Variants in BTBD7 observed in about 807,000 individuals in gnomAD.
BTBD7 encodes BTB/POZ domain-containing protein 7.
A neutral mutation model predicts 99.9 loss-of-function variants in BTBD7; 38 were observed. The observed-to-expected ratio is 0.38, with a 90% CI of 0.29 to 0.50. The LOEUF is 0.50. Ranked by LOEUF, BTBD7 falls within the 20% of genes least tolerant of loss-of-function variation. The pLI is 0.93. For synonymous variants in BTBD7, 520 were observed against 511.4 expected, an observed-to-expected ratio of 1.02 and a Z score of -0.23; for missense variants, 1,170 against 1,394.6, an observed-to-expected ratio of 0.84 and a Z score of 2.57.
rs544493010 is a variant in BTBD7 at position 93,238,595 on chromosome 14, C to A, written c.*3678G>T. The stretch of plus-strand genomic sequence containing the variant: ...GAATTCAGTCCTAAAAATATGAATG[C>A]CTTATAATTAATTTCAAAATAAGTA... On this transcript the variant is annotated 3_prime_UTR_variant, in exon 11 of 11. Coordinates refer to ENST00000334746, the MANE Select transcript of BTBD7 (RefSeq NM_001002860.4). The A allele has an allele frequency of 6.6e-6, 1 of 152,252 alleles. No individual in the cohort carries two copies. Among genetic ancestry groups the A allele is most frequent in the South Asian group, 2.1e-4 (1 of 4,820 alleles). The allele number at this position is 152,252 out of a possible 1,614,324, so 9.4% of individuals were successfully genotyped here.
chr14:93,288,183 T>A (rs1243865768), intron 3 of BTBD7: 1 of 269,246 alleles, frequency 3.7e-6, no homozygotes, highest in Non-Finnish European at 6.8e-6. Context: ...ACTTTTTATA[T>A]AGAAATTCCT....
intron 4 of BTBD7, among the ~76,000 whole-genome samples, 188 bp from the exon 5 acceptor site, chr14:93,261,865 T>C (rs1272939904): frequency 6.6e-6 from 1 of 152,252 alleles, no homozygotes; most frequent in East Asian, 1.9e-4. Flanking sequence ...CTGCATTACA[T>C]ATATTTTATC....
chr14:93,262,117 C>T (rs1458195517), intron 4 of BTBD7, among the ~76,000 whole-genome samples: 3 of 151,130 alleles, frequency 2.0e-5, no homozygotes, highest in Non-Finnish European at 2.9e-5. Flanking sequence ...CAGGTATGTG[C>T]TACCACACCC....
chr14:93,320,251 T>C (rs921973010), intron 1 of BTBD7, among the ~76,000 whole-genome samples: 6 of 152,256 alleles, frequency 3.9e-5, no homozygotes, highest in South Asian at 4.1e-4. Context: ...ACTGGGGTGA[T>C]TGTTCTCCCC....
rs763604101 is a variant in BTBD7 at position 93,294,629 on chromosome 14, C to T, written c.391G>A (p.Asp131Asn). Residue 131 changes from aspartate (D) to asparagine (N), a missense_variant, in exon 3 of 11, where the codon GAT (aspartate) becomes AAT (asparagine). Coordinates refer to ENST00000334746, the MANE Select transcript of BTBD7 (RefSeq NM_001002860.4). ...TTGTACTCATAAAGATCAGCCATAT[C>T]TTTCTGCAATGTCCGGGCTTCTGGT... Reference protein sequence around the residue: ...ARPEARTLQKDMADLYEYKYC... With the variant: ...ARPEARTLQKNMADLYEYKYC... 4 of 1,614,122 alleles carry T rather than the reference C, an allele frequency of 2.5e-6. No individual in the cohort carries two copies. In the East Asian group the frequency reaches 6.7e-5, roughly 27 times the overall value.
At chr14:93,270,069 G>A (rs1255048783) in intron 3 of BTBD7, among the ~76,000 whole-genome samples, 1 of 152,178 alleles carries the variant, frequency 6.6e-6, no homozygotes, top group Non-Finnish European at 1.5e-5. Context: ...TAATAAACCA[G>A]TTAGCTTTTT....
At chr14:93,281,181 T>G (rs972853991) in intron 3 of BTBD7, among the ~76,000 whole-genome samples, 4 of 151,888 alleles carry the variant, frequency 2.6e-5, no homozygotes, top group Non-Finnish European at 4.4e-5. Flanking sequence ...TTTTTTTTTT[T>G]TGTAGAGATG....
At position 93,294,871 on chromosome 14, in the gene BTBD7, T is replaced by C. The variant is rs772829858; in HGVS notation, c.149A>G (p.His50Arg). The change falls in exon 3 of 11, where the codon CAT (histidine) becomes CGT (arginine). Residue 50 changes from histidine (H) to arginine (R), a missense_variant. Transcript: ENST00000334746. ...CTTTTTTTTGTCTTGTGGTTTCTCATGGCCATGGTCAAGGCTATACAACTT... is the reference window on the plus strand; with the variant it reads ...CTTTTTTTTGTCTTGTGGTTTCTCACGGCCATGGTCAAGGCTATACAACTT... ...ESKLYSLDHG[H>R]EKPQDKKKRT... 9 of 1,613,708 alleles carry C rather than the reference T, an allele frequency of 5.6e-6. No homozygotes were observed. The highest frequency in any genetic ancestry group is 2.2e-5 in the East Asian group (1 of 44,890).
At chr14:93,258,200 C>CGT (rs144474216) in intron 5 of BTBD7, among the ~76,000 whole-genome samples, 15,496 of 146,866 alleles carry the variant, frequency 0.11, 796 homozygotes, top group Admixed American at 0.16. Context: ...TTCCTTAAAT[C>CGT]GTGTGTGTGT....
At chr14:93,316,267 A>AT (rs1440694842) in intron 1 of BTBD7, among the ~76,000 whole-genome samples, 15 of 110,150 alleles carry the variant, frequency 1.4e-4, no homozygotes, top group East Asian at 2.5e-4. Context: ...TTTTTTTTTA[A>AT]TTTTTTTTAA....
chr14:93,294,933 G>A lies in BTBD7; in HGVS notation c.87C>T (p.Thr29=). The A allele has an allele frequency of 6.5e-7, 1 of 1,531,598 alleles. No homozygotes were observed. The highest frequency in any genetic ancestry group is 8.7e-7 in the Non-Finnish European group (1 of 1,143,462). The allele number at this position is 1,531,598 out of a possible 1,614,324, so 94.9% of individuals were successfully genotyped here. The part of the protein sequence containing the change: ...NSQAQQTFIG[T]SSYSQQGYGC... Reference sequence around the variant, plus strand: ...CATAGCCTTGCTGAGAATAGGATGAGGTCCCTAAGAAAAAAATTAAACAAA... The same window carrying A: ...CATAGCCTTGCTGAGAATAGGATGAAGTCCCTAAGAAAAAAATTAAACAAA... The change falls in exon 3 of 11, where the codon ACC becomes ACT. Residue 29 remains threonine, a synonymous_variant. Coordinates refer to ENST00000334746, the MANE Select transcript of BTBD7 (RefSeq NM_001002860.4).
chr14:93,326,795 C>T (rs2053339486), intron 1 of BTBD7, among the ~76,000 whole-genome samples: 1 of 120,618 alleles, frequency 8.3e-6, no homozygotes, highest in African/African-American at 4.1e-5. Context: ...CAGAGCAAAA[C>T]TCTGTCTAAA....
chr14:93,243,483 G>A (rs1448599442), intron 10 of BTBD7, among the ~76,000 whole-genome samples: 6 of 152,148 alleles, frequency 3.9e-5, no homozygotes, highest in East Asian at 1.9e-4. Context: ...GTGAGCCACC[G>A]CTCCTGGCTG....
chr14:93,313,557 G>A (rs1234592521), intron 1 of BTBD7, among the ~76,000 whole-genome samples: 5 of 151,774 alleles, frequency 3.3e-5, no homozygotes, highest in South Asian at 2.1e-4. Flanking sequence ...TGCAACAATC[G>A]AATAATTTTT....
chr14:93,294,526 G>A lies in BTBD7; in HGVS notation c.494C>T (p.Pro165Leu). ...GGAAGAAAGCAGTGTTTTAAAAAAT[G>A]GACACCTTGCTGCCAAAATGGCACG... is the stretch of plus-strand genomic sequence containing the variant. Reference protein sequence around the residue: ...VHRAILAARCPFFKTLLSSSP... With the variant: ...VHRAILAARCLFFKTLLSSSP... The change falls in exon 3 of 11, where the codon CCA becomes CTA. Residue 165 changes from proline (P) to leucine (L), a missense_variant. Around this residue, in one of 4 missense-constraint regions of BTBD7, gnomAD observed 359 missense variants for 497.9 expected, o/e 0.72. Coordinates refer to ENST00000334746, the MANE Select transcript of BTBD7 (RefSeq NM_001002860.4). 6.2e-7 allele frequency: 1 copy of A among 1,613,898 alleles called. No individual in the cohort carries two copies. The highest frequency in any genetic ancestry group is 2.2e-5 in the East Asian group (1 of 44,882).
intron 1 of BTBD7, among the ~76,000 whole-genome samples, chr14:93,331,387 C>G (rs1210729245): frequency 6.6e-6 from 1 of 152,138 alleles, no homozygotes; most frequent in African/African-American, 2.4e-5. Flanking sequence ...TCTGGTTTCC[C>G]GGCTCTAAAA....
At chr14:93,302,759 C>G (rs778131161) in intron 1 of BTBD7, among the ~76,000 whole-genome samples, 3 of 152,078 alleles carry the variant, frequency 2.0e-5, no homozygotes, top group Non-Finnish European at 4.4e-5. Context: ...ACAGAAGAAT[C>G]GCTTGAACCC....
At chr14:93,244,044 G>C (rs59580431) in intron 10 of BTBD7, 8,726 of 366,792 alleles carry the variant, frequency 0.024, 199 homozygotes, top group South Asian at 0.069. Context: ...CGGACTTTCT[G>C]TCACAGTGTG....
At chr14:93,282,757 C>T (rs912166548) in intron 3 of BTBD7, among the ~76,000 whole-genome samples, 2 of 152,192 alleles carry the variant, frequency 1.3e-5, no homozygotes, top group Non-Finnish European at 2.9e-5. Flanking sequence ...AGTAATGCCT[C>T]CTCCCCAGTC....
Sources: gnomAD v4.1 joint callset for allele counts (sites outside exome capture counted in the v4.1 genomes callset) on GRCh38, gnomAD v4.1.1 for gene constraint, gnomAD v4.1.1 regional missense constraint, MANE v1.5 for transcripts, NCBI Gene and HGNC (gene_info 2026-07-23, HGNC 2026-07-21) for gene names.